Variants in ARHGAP32 observed in about 807,000 individuals in gnomAD.
ARHGAP32 encodes the protein Rho GTPase activating protein 32, also known as rho GTPase-activating protein 32.
Under a neutral mutation model 186.5 loss-of-function variants are expected in ARHGAP32, and 51 were observed. The observed-to-expected ratio is 0.27, with a 90% CI of 0.22 to 0.35. The LOEUF is 0.35. ARHGAP32 is among the 10% of genes least tolerant of loss of function. The pLI, the probability that ARHGAP32 is intolerant of heterozygous loss-of-function variation, is 1.00. For synonymous variants in ARHGAP32, 950 were observed against 964.3 expected (o/e 0.99, Z 0.27); for missense variants, 2,186 against 2,623.5 (o/e 0.83, Z 3.64).
At chr11:129,063,407 ATG>A (rs1328251969) in intron 9 of ARHGAP32, among the ~76,000 whole-genome samples, 10 of 152,108 alleles carry the variant, frequency 6.6e-5, no homozygotes, top group African/African-American at 2.2e-4. Context: ...TGGTAGCAAG[ATG>A]TGTTCATTTC....
chr11:129,183,668 C>A (rs1011004214), intron 1 of ARHGAP32, among the ~76,000 whole-genome samples: 1 of 152,018 alleles, frequency 6.6e-6, no homozygotes, highest in Admixed American at 6.6e-5. Flanking sequence ...AATGCTTGAC[C>A]ATATCTTCAT....
At chr11:129,270,508 C>T (rs61657087) in intron 1 of ARHGAP32, among the ~76,000 whole-genome samples, 46,166 of 147,618 alleles carry the variant, frequency 0.31, 7,321 homozygotes, top group Middle Eastern at 0.4. Flanking sequence ...TTTTTTTTTT[C>T]TCCTCTCAGA....
At chr11:129,221,226 T>C (rs377367711) in intron 1 of ARHGAP32, among the ~76,000 whole-genome samples, 1 of 152,166 alleles carries the variant, frequency 6.6e-6, no homozygotes, top group East Asian at 1.9e-4. Context: ...AGCCATGAAG[T>C]CTTATTTTAA....
chr11:129,029,273 G>C (rs1278750380), intron 11 of ARHGAP32, among the ~76,000 whole-genome samples: 1 of 152,140 alleles, frequency 6.6e-6, no homozygotes, highest in African/African-American at 2.4e-5. Flanking sequence ...TTGACAGAGA[G>C]AACAAAAATC....
At chr11:128,982,561 C>T (rs751938800) in intron 15 of ARHGAP32, among the ~76,000 whole-genome samples, 4 of 151,420 alleles carry the variant, frequency 2.6e-5, no homozygotes, top group African/African-American at 7.3e-5. Context: ...TGTCTCAAAG[C>T]GTCCTACCTA....
intron 3 of ARHGAP32, among the ~76,000 whole-genome samples, 195 bp from the exon 4 acceptor site, chr11:129,124,124 G>A (rs904772047): frequency 6.6e-5 from 10 of 152,088 alleles, no homozygotes; most frequent in African/African-American, 2.2e-4. Context: ...TCAGATTTTG[G>A]AATATTTGCA....
chr11:129,002,038 G>A (rs1266591058), intron 11 of ARHGAP32, among the ~76,000 whole-genome samples: 1 of 152,124 alleles, frequency 6.6e-6, no homozygotes, highest in Admixed American at 6.5e-5. Flanking sequence ...CAGGTAATGT[G>A]ATTCCTCCAG....
At chr11:129,096,225 TA>T (rs576167337) in intron 5 of ARHGAP32, among the ~76,000 whole-genome samples, 30 of 152,006 alleles carry the variant, frequency 2.0e-4, no homozygotes, top group African/African-American at 6.3e-4. Flanking sequence ...GATATAAAAA[TA>T]ATAAGAAAGA....
intron 5 of ARHGAP32, among the ~76,000 whole-genome samples, chr11:129,119,379 T>C (rs1210501914): frequency 2.0e-5 from 3 of 152,030 alleles, no homozygotes; most frequent in Non-Finnish European, 4.4e-5. Context: ...ATTTGTTTTA[T>C]AATAAATACT....
chr11:129,153,374 C>CA (rs1299357671), intron 2 of ARHGAP32, among the ~76,000 whole-genome samples: 1 of 151,854 alleles, frequency 6.6e-6, no homozygotes, highest in South Asian at 2.1e-4. Context: ...CACAAAACTA[C>CA]AAAAAACAAT....
At chr11:129,044,136 T>C (rs1939713764) in intron 10 of ARHGAP32, among the ~76,000 whole-genome samples, 1 of 152,212 alleles carries the variant, frequency 6.6e-6, no homozygotes, top group African/African-American at 2.4e-5. Flanking sequence ...AGTCTGCCAC[T>C]CACTAGATTA....
At chr11:129,067,019 T>C (rs543131276) in intron 6 of ARHGAP32, among the ~76,000 whole-genome samples, 151 bp from the exon 7 acceptor site, 1 of 152,176 alleles carries the variant, frequency 6.6e-6, no homozygotes, top group South Asian at 2.1e-4. Flanking sequence ...GCTAAAACTG[T>C]GAAACACTCT....
At chr11:129,252,523 A>G (rs1191840100) in intron 1 of ARHGAP32, among the ~76,000 whole-genome samples, 1 of 152,226 alleles carries the variant, frequency 6.6e-6, no homozygotes. Flanking sequence ...CAAAAGAGTA[A>G]AACAGTCCAG....
intron 1 of ARHGAP32, among the ~76,000 whole-genome samples, chr11:129,228,270 T>C (rs891417546): frequency 3.3e-5 from 5 of 152,070 alleles, no homozygotes; most frequent in African/African-American, 1.2e-4. Context: ...TTTTAAAAAG[T>C]AGAAAGATTT....
upstream of ARHGAP32, among the ~76,000 whole-genome samples, chr11:129,195,711 T>A (rs933729353): frequency 1.3e-5 from 2 of 151,906 alleles, no homozygotes; most frequent in Non-Finnish European, 2.9e-5. Flanking sequence ...CGAACCTCCG[T>A]CTCAAAAAAA....
intron 2 of ARHGAP32, among the ~76,000 whole-genome samples, chr11:129,129,962 G>T (rs1942773346): frequency 6.6e-6 from 1 of 152,076 alleles, no homozygotes; most frequent in South Asian, 2.1e-4. Flanking sequence ...CTATCTTCAA[G>T]ATTTTTTAAA....
At chr11:129,057,055 T>C (rs929654627) in intron 10 of ARHGAP32, among the ~76,000 whole-genome samples, 4 of 152,162 alleles carry the variant, frequency 2.6e-5, no homozygotes, top group African/African-American at 7.2e-5. Context: ...CGGAGCCCAG[T>C]TGACAGGGTT....
Position 129,177,035 on chromosome 11 carries a change from G to A in ARHGAP32, c.117-12608C>T, listed in dbSNP as rs905379537. Among the ~76,000 whole-genome samples the A allele has an allele frequency of 5.8e-4, 86 of 149,434 alleles. No homozygotes were observed. In the Middle Eastern group the frequency reaches 0.01, roughly 18 times the overall value. On this transcript the variant is annotated intron_variant, in intron 1 of 22. Coordinates refer to ENST00000682385, the MANE Select transcript of ARHGAP32 (RefSeq NM_001378024.1). ...AAAGGATCAACAAAATGGATAGACC[G>A]CTAGCAAGACTAATAAAGAAAAAAA...
At chr11:129,046,484 G>A (rs1002835182) in intron 10 of ARHGAP32, among the ~76,000 whole-genome samples, 1 of 152,094 alleles carries the variant, frequency 6.6e-6, no homozygotes, top group African/African-American at 2.4e-5. Context: ...GTTTCTAGTA[G>A]CTTAGCAAGC....
Sources: allele counts gnomAD v4.1 joint callset (sites outside exome capture counted in the v4.1 genomes callset), GRCh38; gene constraint gnomAD v4.1.1; transcripts MANE v1.5; gene names NCBI Gene and HGNC (gene_info 2026-07-23, HGNC 2026-07-21).